CRY2: variants seen among roughly 807,000 people sequenced by gnomAD.
CRY2 encodes the protein cryptochrome-2.
Under a neutral mutation model 69.5 loss-of-function variants are expected in CRY2, and 31 were observed. The observed-to-expected ratio is 0.45, with a 90% CI of 0.34 to 0.60. The LOEUF (loss-of-function observed/expected upper bound fraction) is 0.60, where lower values mean the gene tolerates loss of function less well. Ranked by LOEUF, CRY2 falls within the 20% of genes least tolerant of loss-of-function variation. CRY2 has a pLI of 0.02. For synonymous variants in CRY2, 303 were observed against 312.2 expected (o/e 0.97, Z 0.31); for missense variants, 606 against 797.8 (o/e 0.76, Z 2.90).
intron 1 of CRY2, among the ~76,000 whole-genome samples, chr11:45,848,579 C>T (rs959578827): frequency 1.3e-5 from 2 of 152,160 alleles, no homozygotes; most frequent in African/African-American, 4.8e-5. Flanking sequence ...ATGGAGTCGA[C>T]ATGATCATGG....
intron 1 of CRY2, among the ~76,000 whole-genome samples, chr11:45,848,160 A>T (rs2134624189): frequency 6.6e-6 from 1 of 152,118 alleles, no homozygotes; most frequent in Admixed American, 6.5e-5. Context: ...CGGGGAGATC[A>T]CTCCGAAGCC....
intron 6 of CRY2, 105 bp from the exon 7 acceptor site, chr11:45,869,401 A>T (rs1318765694): frequency 8.1e-7 from 1 of 1,230,792 alleles, no homozygotes; most frequent in African/African-American, 1.5e-5. Context: ...CAGCTGAGCC[A>T]CTAGGTCTTT....
intron 11 of CRY2, among the ~76,000 whole-genome samples, chr11:45,875,626 G>C (rs950875933): frequency 6.6e-6 from 1 of 152,198 alleles, no homozygotes; most frequent in Non-Finnish European, 1.5e-5. Context: ...TGGCTCAGTG[G>C]GGAGTTAGGC....
At chr11:45,855,279 G>A (rs1408326998) in intron 1 of CRY2, among the ~76,000 whole-genome samples, 5 of 151,962 alleles carry the variant, frequency 3.3e-5, no homozygotes, top group African/African-American at 1.2e-4. Context: ...TGAGCCACCT[G>A]CCAAACAAAG....
chr11:45,867,921 A>G (rs1046028674), intron 6 of CRY2, 169 bp downstream of exon 6: 65 of 825,952 alleles, frequency 7.9e-5, no homozygotes, highest in Non-Finnish European at 1.2e-4. Flanking sequence ...TCAATATCCA[A>G]GAGGGCAGAG....
At chr11:45,848,896 T>A (rs1414242424) in intron 1 of CRY2, among the ~76,000 whole-genome samples, 1 of 151,872 alleles carries the variant, frequency 6.6e-6, no homozygotes, top group Non-Finnish European at 1.5e-5. Context: ...AACTAAGGAG[T>A]CCTGTGGAGA....
intron 5 of CRY2, among the ~76,000 whole-genome samples, chr11:45,865,887 C>G (rs530017583): frequency 1.4e-4 from 21 of 152,340 alleles, no homozygotes; most frequent in African/African-American, 5.1e-4. Flanking sequence ...TTACATTACT[C>G]TGGTCCCAGC....
chr11:45,875,661 G>C (rs367809711), intron 11 of CRY2, among the ~76,000 whole-genome samples: 1 of 152,218 alleles, frequency 6.6e-6, no homozygotes, highest in African/African-American at 2.4e-5. Context: ...AAGGTTGGGG[G>C]TGCAGAGGTC....
chr11:45,866,041 A>T (rs896449156), intron 5 of CRY2, among the ~76,000 whole-genome samples: 1 of 152,228 alleles, frequency 6.6e-6, no homozygotes, highest in East Asian at 1.9e-4. Context: ...GATTTGGGAA[A>T]TATTTAGGCA....
intron 10 of CRY2, among the ~76,000 whole-genome samples, chr11:45,871,498 A>G (rs118130872): frequency 0.018 from 2,728 of 152,200 alleles, 38 homozygotes; most frequent in Non-Finnish European, 0.029. Context: ...TTAGGTCTGA[A>G]AAAGCTCCCT....
Position 45,862,108 on chromosome 11 carries a change from C to G in CRY2, c.701C>G (p.Thr234Arg). ...LGPAVWQGGE[T>R]EALARLDKHL... ...CCAGCTGTCTGGCAGGGAGGAGAGA[C>G]AGAAGCTCTGGCCCGCCTGGATAAG... The change falls in exon 5 of 12, where the codon ACA (threonine) becomes AGA (arginine). Residue 234 changes from threonine (T) to arginine (R), a missense_variant. Thr to Arg is a moderately conservative substitution (Grantham distance 71). Around this residue, in one of 5 missense-constraint regions of CRY2, gnomAD observed 382 missense variants for 508.9 expected, o/e 0.75. Coordinates refer to ENST00000616080, the MANE Select transcript of CRY2 (RefSeq NM_021117.5). The G allele has an allele frequency of 1.2e-6, 2 of 1,614,002 alleles. No individual in the cohort carries two copies. The highest frequency in any genetic ancestry group is 8.5e-7 in the Non-Finnish European group (1 of 1,179,976).
rs372182284 is a variant in CRY2, at chr11:45,869,574, G to T, written c.951G>T (p.Thr317=). The change falls in exon 7 of 12, where the codon ACG becomes ACT. Residue 317 remains threonine, a synonymous_variant. Transcript: ENST00000616080. ...GQLLWREFFY[T]AATNNPRFDR... ...TCCTATGGCGAGAGTTCTTCTACAC[G>T]GCAGCTACCAACAACCCCAGGTTTG... is the stretch of plus-strand genomic sequence containing the variant. 3 of 1,614,218 alleles carry T rather than the reference G, an allele frequency of 1.9e-6. No homozygotes were observed. The highest frequency in any genetic ancestry group is 8.5e-7 in the Non-Finnish European group (1 of 1,180,036).
chr11:45,881,859 C>T lies in CRY2; in HGVS notation c.*948C>T, dbSNP rs2086475517. On this transcript the variant is annotated 3_prime_UTR_variant, in exon 12 of 12. Transcript: ENST00000616080. The stretch of plus-strand genomic sequence containing the variant: ...ACACTCCAAGGCACCACAGTGCTGC[C>T]AGTGAGGACAGCTGACACCCAGCCA... 1.3e-5 allele frequency: 2 copies of T among 152,380 alleles called. No individual in the cohort carries two copies. The highest frequency in any genetic ancestry group is 4.1e-4 in the South Asian group (2 of 4,822). The allele number at this position is 152,380 out of a possible 1,614,324, so 9.4% of individuals were successfully genotyped here.
rs762319314 is a variant in CRY2 at position 45,858,892 on chromosome 11, G to A, written c.467+19G>A. Reference sequence around the variant, plus strand: ...TGGACAGGTAAGAGATGGGGCCCAGGGATCAGGTTACCAATTGTGAGAGTT... The same window carrying A: ...TGGACAGGTAAGAGATGGGGCCCAGAGATCAGGTTACCAATTGTGAGAGTT... On this transcript the variant is annotated intron_variant, in intron 3 of 11. Transcript: ENST00000616080. 19 of 1,609,598 alleles carry A rather than the reference G, an allele frequency of 1.2e-5. No individual in the cohort carries two copies. Among genetic ancestry groups the A allele is most frequent in the Non-Finnish European group, 1.5e-5 (18 of 1,177,912 alleles).
chr11:45,852,912 G>A (rs1457455620), intron 1 of CRY2, among the ~76,000 whole-genome samples: 1 of 152,234 alleles, frequency 6.6e-6, no homozygotes, highest in Non-Finnish European at 1.5e-5. Flanking sequence ...CACAGCCAAT[G>A]CTGCTGATTG....
rs542608313 is a variant in CRY2 at position 45,871,955 on chromosome 11, G to T, written c.1643-137G>T. The T allele has an allele frequency of 3.8e-5, 47 of 1,232,686 alleles. 1 individual carries two copies. The East Asian group carries it at 1.1e-3, about 29-fold the overall frequency. 76.4% of individuals were successfully genotyped at this position (1,232,686 alleles called of 1,614,324 possible). On this transcript the variant is annotated intron_variant, in intron 10 of 11. Coordinates refer to ENST00000616080, the MANE Select transcript of CRY2 (RefSeq NM_021117.5). Reference sequence around the variant, plus strand: ...TCACTGCTGAAAGCAAGGCCGAGGGGCAGGTCTGAGGAGCAGCATGCTGGC... The same window carrying T: ...TCACTGCTGAAAGCAAGGCCGAGGGTCAGGTCTGAGGAGCAGCATGCTGGC...
chr11:45,857,221 G>A (rs565260779), intron 2 of CRY2, among the ~76,000 whole-genome samples: 1 of 152,156 alleles, frequency 6.6e-6, no homozygotes, highest in East Asian at 1.9e-4. Context: ...TGAGTCAAGC[G>A]CTGTTCCCAG....
rs1419438075 is a variant in CRY2, at chr11:45,862,089, G to T, written c.682G>T (p.Val228Phe). 2 of 1,613,992 alleles carry T rather than the reference G, an allele frequency of 1.2e-6. No individual in the cohort carries two copies. Among genetic ancestry groups the T allele is most frequent in the Admixed American group, 1.7e-5 (1 of 59,992 alleles). The change falls in exon 5 of 12, where the codon GTC becomes TTC. Residue 228 changes from valine (V) to phenylalanine (F), a missense_variant. Physicochemically the swap from Val to Phe is conservative, Grantham distance 50. This residue lies in a region of CRY2 where 382 missense variants were observed against 508.9 expected (regional missense o/e 0.75). Coordinates refer to ENST00000616080, the MANE Select transcript of CRY2 (RefSeq NM_021117.5). ...GFPTEGLGPAVWQGGETEALA... is the reference protein window; with the variant it reads ...GFPTEGLGPAFWQGGETEALA... Reference sequence around the variant, plus strand: ...CCCCACTGAAGGACTTGGTCCAGCTGTCTGGCAGGGAGGAGAGACAGAAGC... The same window carrying T: ...CCCCACTGAAGGACTTGGTCCAGCTTTCTGGCAGGGAGGAGAGACAGAAGC...
intron 1 of CRY2, among the ~76,000 whole-genome samples, chr11:45,855,176 A>C (rs1354150513): frequency 6.8e-6 from 1 of 147,896 alleles, no homozygotes; most frequent in Non-Finnish European, 1.5e-5. Context: ...CCCCCACAAA[A>C]ATGTGAAGAT....
Sources: gnomAD v4.1 joint callset for allele counts (sites outside exome capture counted in the v4.1 genomes callset) on GRCh38, gnomAD v4.1.1 for gene constraint, gnomAD v4.1.1 regional missense constraint, MANE v1.5 for transcripts, NCBI Gene and HGNC (gene_info 2026-07-23, HGNC 2026-07-21) for gene names.